SPCS3: variants seen among roughly 807,000 people sequenced by gnomAD.
SPCS3 encodes the protein SPase 22 kDa subunit.
Under a neutral mutation model 17.2 loss-of-function variants are expected in SPCS3, and 9 were observed. The ratio of observed to expected loss-of-function variants is 0.52; its 90% CI spans 0.31 to 0.91. The LOEUF (loss-of-function observed/expected upper bound fraction) is 0.91. SPCS3 is among the 40% of genes least tolerant of loss of function. The pLI is 0.04. For missense variants in SPCS3, 139 were observed against 217.5 expected, an observed-to-expected ratio of 0.64 and a Z score of 2.27; for synonymous variants, 87 against 89.6, an observed-to-expected ratio of 0.97 and a Z score of 0.16.
At chr4:176,323,130 G>A (rs927949972) in intron 2 of SPCS3, among the ~76,000 whole-genome samples, 4 of 152,100 alleles carry the variant, frequency 2.6e-5, no homozygotes, top group Non-Finnish European at 5.9e-5. Flanking sequence ...AATAGGCTAA[G>A]AATTAGTTCT....
intron 3 of SPCS3, among the ~76,000 whole-genome samples, chr4:176,325,200 C>T (rs994756376): frequency 4.6e-5 from 7 of 151,690 alleles, no homozygotes; most frequent in East Asian, 1.9e-4. Flanking sequence ...GGATTACAGG[C>T]GCCTGCCACC....
chr4:176,328,163 C>G (rs1167809787), intron 4 of SPCS3, 35 bp from the exon 5 acceptor site: 12 of 1,602,118 alleles, frequency 7.5e-6, no homozygotes, highest in Non-Finnish European at 8.5e-7. Flanking sequence ...CTACTAGTGT[C>G]TCTGATGACT....
At chr4:176,325,293 A>G (rs1041153998) in intron 3 of SPCS3, among the ~76,000 whole-genome samples, 7 of 152,024 alleles carry the variant, frequency 4.6e-5, no homozygotes, top group East Asian at 1.9e-4. Flanking sequence ...ACCTCAGGTC[A>G]TCCGCATGCC....
Position 176,324,194 on chromosome 4 carries a change from A to AT in SPCS3, c.234dup (p.Asp79Ter), listed in dbSNP as rs1404602955. 1 of 1,175,010 alleles carries AT rather than the reference A, an allele frequency of 8.5e-7. No individual in the cohort carries two copies. Among genetic ancestry groups the AT allele is most frequent in the African/African-American group, 1.6e-5 (1 of 63,660 alleles). The allele number at this position is 1,175,010 out of a possible 1,614,324, so 72.8% of individuals were successfully genotyped here. A position where few individuals can be genotyped will look rare whatever the true frequency, so the allele number is the denominator to read the frequency against. ...TAATTTACTTACATCTAGAGAATAT[A>AT]TTTGATTGGAATGTTAAGCAGTTGT... is the stretch of plus-strand genomic sequence containing the variant. On this transcript the variant is annotated frameshift_variant, in exon 3 of 5. Transcript: ENST00000503362. LOFTEE classifies it high-confidence loss of function.
Position 176,320,191 on chromosome 4 carries a change from G to A in SPCS3, c.115G>A (p.Val39Met). 1 of 1,576,070 alleles carries A rather than the reference G, an allele frequency of 6.3e-7. No homozygotes were observed. Among genetic ancestry groups the A allele is most frequent in the Non-Finnish European group, 8.6e-7 (1 of 1,162,300 alleles). The change falls in exon 1 of 5, where the codon GTG becomes ATG. Residue 39 changes from valine (V) to methionine (M), a missense_variant. Val to Met is a conservative substitution (Grantham distance 21, BLOSUM62 1). Coordinates refer to ENST00000503362, the MANE Select transcript of SPCS3 (RefSeq NM_021928.4). ...CGCCTTCAAAGACAGGAGCGTCCCGGTGCGGCTGCACGTCTCGCGGATCAT... is the reference window on the plus strand; with the variant it reads ...CGCCTTCAAAGACAGGAGCGTCCCGATGCGGCTGCACGTCTCGCGGATCAT... The part of the protein sequence containing the change: ...TTAFKDRSVP[V>M]RLHVSRIMLK...
At chr4:176,325,694 T>G (rs1194444667) in intron 3 of SPCS3, among the ~76,000 whole-genome samples, 1 of 152,152 alleles carries the variant, frequency 6.6e-6, no homozygotes, top group Non-Finnish European at 1.5e-5. Context: ...TGGGATTCAT[T>G]AATCTGAGTA....
chr4:176,331,016 A>G lies in SPCS3; in HGVS notation c.*2686A>G, dbSNP rs1205322998. 1.3e-5 allele frequency: 2 copies of G among 152,204 alleles called. No homozygotes were observed. The highest frequency in any genetic ancestry group is 6.5e-5 in the Admixed American group (1 of 15,282). 9.4% of individuals were successfully genotyped at this position (152,204 alleles called of 1,614,324 possible). ...CAGAAATTCCTAAGGGTGTAATAAG[A>G]AAGTGGGTTTTGAGTTTCCTTTCCT... On this transcript the variant is annotated 3_prime_UTR_variant, in exon 5 of 5. Coordinates refer to ENST00000503362, the MANE Select transcript of SPCS3 (RefSeq NM_021928.4).
chr4:176,321,441 T>TAGTAAAC (rs1553966772), intron 1 of SPCS3: 1 of 152,192 alleles, frequency 6.6e-6, no homozygotes, highest in Non-Finnish European at 1.5e-5. Context: ...GTCTGAGCCG[T>TAGTAAAC]AGTAAACAGT....
chr4:176,331,228 T>A lies in SPCS3; in HGVS notation c.*2898T>A, dbSNP rs1579361030. Reference sequence around the variant, plus strand: ...AATTGATAATGAACATTTTTCACTATTTTTTTTTCTATCTGAAGCTTAGAG... The same window carrying A: ...AATTGATAATGAACATTTTTCACTAATTTTTTTTCTATCTGAAGCTTAGAG... On this transcript the variant is annotated 3_prime_UTR_variant, in exon 5 of 5. Transcript: ENST00000503362. 6.6e-6 allele frequency: 1 copy of A among 151,412 alleles called. No homozygotes were observed. The highest frequency in any genetic ancestry group is 2.1e-4 in the South Asian group (1 of 4,792). The allele number at this position is 151,412 out of a possible 1,614,324, so 9.4% of individuals were successfully genotyped here. A position where few individuals can be genotyped will look rare whatever the true frequency, so the allele number is the denominator to read the frequency against.
chr4:176,320,178 C>T lies in SPCS3; in HGVS notation c.102C>T (p.Asp34=). ...GCTTCATCACCACCGCCTTCAAAGACAGGAGCGTCCCGGTGCGGCTGCACG... is the reference window on the plus strand; with the variant it reads ...GCTTCATCACCACCGCCTTCAAAGATAGGAGCGTCCCGGTGCGGCTGCACG... ...FGCFITTAFK[D]RSVPVRLHVS... Residue 34 remains aspartate (D), a synonymous_variant, in exon 1 of 5, where the codon GAC becomes GAT. Transcript: ENST00000503362. The T allele has an allele frequency of 6.3e-7, 1 of 1,580,574 alleles. No homozygotes were observed. Among genetic ancestry groups the T allele is most frequent in the Non-Finnish European group, 8.6e-7 (1 of 1,164,514 alleles).
At position 176,328,258 on chromosome 4, in the gene SPCS3, A is replaced by G. The variant is rs759215215; in HGVS notation, c.471A>G (p.Leu157=). The G allele has an allele frequency of 4.3e-6, 7 of 1,613,280 alleles. No individual in the cohort carries two copies. Among genetic ancestry groups the G allele is most frequent in the South Asian group, 2.2e-5 (2 of 90,950 alleles). ...SWNVVPNAGI[L]PLVTGSGHVS... ...ACGTCGTACCAAATGCTGGAATTCTACCTCTTGTGACAGGATCAGGACACG... is the reference window on the plus strand; with the variant it reads ...ACGTCGTACCAAATGCTGGAATTCTGCCTCTTGTGACAGGATCAGGACACG... Residue 157 remains leucine (L), a synonymous_variant, in exon 5 of 5, where the codon CTA becomes CTG. Coordinates refer to ENST00000503362, the MANE Select transcript of SPCS3 (RefSeq NM_021928.4).
At position 176,320,840 on chromosome 4, in the gene SPCS3, A is replaced by G. The variant is rs551688349; in HGVS notation, c.143+621A>G. 4 of 152,410 alleles carry G rather than the reference A, an allele frequency of 2.6e-5. No homozygotes were observed. In the East Asian group the frequency reaches 7.7e-4, roughly 29 times the overall value. The allele number at this position is 152,410 out of a possible 1,614,324, so 9.4% of individuals were successfully genotyped here. ...GCCAGAGATGTTGGGCACTGAGAGA[A>G]TTAAGCATCTTAGCCTTCTGATACA... On this transcript the variant is annotated intron_variant, in intron 1 of 4. Coordinates refer to ENST00000503362, the MANE Select transcript of SPCS3 (RefSeq NM_021928.4).
intron 3 of SPCS3, chr4:176,326,881 G>C (rs1244110479): frequency 5.1e-6 from 1 of 195,514 alleles, no homozygotes; most frequent in Non-Finnish European, 1.0e-5. Flanking sequence ...AGATCTTATA[G>C]ATCAAAAACC....
intron 4 of SPCS3, among the ~76,000 whole-genome samples, chr4:176,327,726 C>T (rs551416569): frequency 6.6e-6 from 1 of 152,288 alleles, no homozygotes; most frequent in African/African-American, 2.4e-5. Flanking sequence ...ATTTTTACCT[C>T]TTAGACTCTA....
chr4:176,328,071 C>A, intron 4 of SPCS3, 127 bp from the exon 5 acceptor site: 1 of 842,988 alleles, frequency 1.2e-6, no homozygotes. Context: ...TGCAGATTAA[C>A]ATATTAGGAT....
At chr4:176,328,070 A>G (rs933324283) in intron 4 of SPCS3, 128 bp from the exon 5 acceptor site, 1 of 838,056 alleles carries the variant, frequency 1.2e-6, no homozygotes, top group Admixed American at 3.2e-5. Context: ...TTGCAGATTA[A>G]CATATTAGGA....
At chr4:176,326,664 T>TA (rs1731611851) in intron 3 of SPCS3, among the ~76,000 whole-genome samples, 1 of 152,216 alleles carries the variant, frequency 6.6e-6, no homozygotes, top group Admixed American at 6.5e-5. Flanking sequence ...AGATTTCTTA[T>TA]AAATTTTCAT....
chr4:176,321,956 T>A (rs1731544743), intron 1 of SPCS3: 1 of 389,660 alleles, frequency 2.6e-6, no homozygotes, highest in Admixed American at 4.5e-5. Flanking sequence ...AGGGATTCTC[T>A]TGAGGTATAT....
chr4:176,324,055 T>G (rs1351275079), intron 2 of SPCS3, 126 bp from the exon 3 acceptor site: 1 of 455,390 alleles, frequency 2.2e-6, no homozygotes, highest in African/African-American at 2.1e-5. Context: ...AGTGGCACAT[T>G]ATGTTTCTGG....
Sources: gnomAD v4.1 joint callset for allele counts (sites outside exome capture counted in the v4.1 genomes callset) on GRCh38, gnomAD v4.1.1 for gene constraint, MANE v1.5 for transcripts, NCBI Gene and HGNC (gene_info 2026-07-23, HGNC 2026-07-21) for gene names.